Variants in NPM1 observed in about 807,000 individuals in gnomAD.
The protein encoded by NPM1 is nucleophosmin 1.
Under a neutral mutation model 44.1 loss-of-function variants are expected in NPM1, and 1 was observed. The observed-to-expected ratio is 0.02, with a 90% CI of 0.01 to 0.11. The LOEUF (loss-of-function observed/expected upper bound fraction) is 0.11. Among genes scored for constraint, NPM1 ranks in the 10% least tolerant of loss-of-function variants. NPM1 has a pLI of 1.00. For synonymous variants in NPM1, 126 were observed against 111.8 expected (o/e 1.13, Z -0.80); for missense variants, 197 against 347.8 (o/e 0.57, Z 3.45).
intron 9 of NPM1, among the ~76,000 whole-genome samples, chr5:171,405,904 TGTA>T (rs1771537084): frequency 2.0e-5 from 3 of 152,192 alleles, no homozygotes; most frequent in South Asian, 4.1e-4. Flanking sequence ...AGTTAATACA[TGTA>T]GTAATAGCTA....
At chr5:171,401,375 G>A (rs564515166) in intron 8 of NPM1, among the ~76,000 whole-genome samples, 18 of 152,012 alleles carry the variant, frequency 1.2e-4, no homozygotes, top group Admixed American at 1.0e-3. Flanking sequence ...AGCTTGTTGT[G>A]TGTTGTAGGT....
chr5:171,392,202 A>G (rs1770611314), intron 4 of NPM1, among the ~76,000 whole-genome samples: 1 of 152,168 alleles, frequency 6.6e-6, no homozygotes, highest in Non-Finnish European at 1.5e-5. Flanking sequence ...TGGCCTCTCA[A>G]AGTGCTAGTA....
At chr5:171,409,227 T>C (rs960823180) in intron 10 of NPM1, among the ~76,000 whole-genome samples, 2 of 152,214 alleles carry the variant, frequency 1.3e-5, no homozygotes, top group African/African-American at 4.8e-5. Context: ...ACAGAGATTA[T>C]CAAAACTAAA....
intron 6 of NPM1, among the ~76,000 whole-genome samples, chr5:171,396,668 A>T (rs1770903320): frequency 6.6e-6 from 1 of 152,172 alleles, no homozygotes; most frequent in Admixed American, 6.5e-5. Context: ...CTTGCCCTCC[A>T]GTGACTCGAT....
intron 8 of NPM1, among the ~76,000 whole-genome samples, chr5:171,401,921 G>GA (rs1433254073): frequency 6.6e-6 from 1 of 151,656 alleles, no homozygotes; most frequent in Non-Finnish European, 1.5e-5. Flanking sequence ...GAATTTAAAG[G>GA]AAAAAAAGTT....
chr5:171,402,952 C>CTTTTTTTT (rs560900151), intron 8 of NPM1, among the ~76,000 whole-genome samples: 14 of 91,854 alleles, frequency 1.5e-4, no homozygotes, highest in African/African-American at 4.0e-4. Flanking sequence ...TCAGGTAGTT[C>CTTTTTTTT]TTTTTTTTTT....
At chr5:171,400,739 C>T (rs567797174) in intron 7 of NPM1, 100 bp from the exon 8 acceptor site, 13 of 782,454 alleles carry the variant, frequency 1.7e-5, no homozygotes, top group Non-Finnish European at 2.6e-5. Flanking sequence ...AGCCACCACG[C>T]CAAGCCTGTG....
chr5:171,401,921 GAA>G (rs1433254073), intron 8 of NPM1, among the ~76,000 whole-genome samples: 1 of 151,656 alleles, frequency 6.6e-6, no homozygotes. Context: ...GAATTTAAAG[GAA>G]AAAAAGTTTA....
chr5:171,406,682 G>A (rs768964425), intron 9 of NPM1: 52 of 1,278,568 alleles, frequency 4.1e-5, no homozygotes, highest in Non-Finnish European at 3.8e-5. Flanking sequence ...GTTTTAAATC[G>A]CCTTTGTATC....
At chr5:171,388,127 C>G in intron 1 of NPM1, 121 bp downstream of exon 1, 2 of 912,502 alleles carry the variant, frequency 2.2e-6, no homozygotes, top group South Asian at 3.0e-5. Context: ...CGACGGGAGG[C>G]CTGAGCGGGT....
At chr5:171,398,900 C>A (rs1248018645) in intron 6 of NPM1, among the ~76,000 whole-genome samples, 1 of 152,206 alleles carries the variant, frequency 6.6e-6, no homozygotes, top group Non-Finnish European at 1.5e-5. Context: ...CTCACTGTCA[C>A]CCAGGCTGTA....
chr5:171,408,737 A>G (rs1771686602), intron 10 of NPM1, among the ~76,000 whole-genome samples: 1 of 152,224 alleles, frequency 6.6e-6, no homozygotes, highest in Admixed American at 6.5e-5. Context: ...TTGATTAATC[A>G]TAAATTATTT....
At chr5:171,407,668 A>T in intron 9 of NPM1, 32 bp from the exon 10 acceptor site, 1 of 1,255,120 alleles carries the variant, frequency 8.0e-7, no homozygotes, top group Admixed American at 1.7e-5. Flanking sequence ...GTATTTCTCT[A>T]CTTACCTGTA....
chr5:171,410,684 A>G lies in NPM1; in HGVS notation c.*119A>G. ...AGAACTTTCCCTACCGTGTTTGATA[A>G]ATGTTGTCCAGGTTCTATTGCCAAG... is the stretch of plus-strand genomic sequence containing the variant. On this transcript the variant is annotated 3_prime_UTR_variant, in exon 11 of 11. Coordinates refer to ENST00000296930, the MANE Select transcript of NPM1 (RefSeq NM_002520.7). 1 of 598,842 alleles carries G rather than the reference A, an allele frequency of 1.7e-6. No homozygotes were observed. Among genetic ancestry groups the G allele is most frequent in the Non-Finnish European group, 2.9e-6 (1 of 345,644 alleles). The allele number at this position is 598,842 out of a possible 1,614,324, so 37.1% of individuals were successfully genotyped here.
chr5:171,389,604 A>G (rs949918757), intron 1 of NPM1, among the ~76,000 whole-genome samples: 2 of 152,114 alleles, frequency 1.3e-5, no homozygotes, highest in Non-Finnish European at 2.9e-5. Flanking sequence ...CGGTTCTTTT[A>G]CTTTTGTCAT....
chr5:171,391,111 G>A (rs1770554635), intron 2 of NPM1, 194 bp from the exon 3 acceptor site: 1 of 585,604 alleles, frequency 1.7e-6, no homozygotes, highest in Non-Finnish European at 3.0e-6. Context: ...GCCTAGGTGT[G>A]TGTAGTAGGC....
chr5:171,403,401 T>G (rs1581254258), intron 8 of NPM1, among the ~76,000 whole-genome samples: 2 of 109,484 alleles, frequency 1.8e-5, no homozygotes, highest in South Asian at 6.5e-4. Flanking sequence ...CTCCCATGTC[T>G]ACTTCTTTCT....
intron 2 of NPM1, 60 bp from the exon 3 acceptor site, chr5:171,391,245 G>A (rs1251818057): frequency 7.0e-6 from 11 of 1,568,086 alleles, no homozygotes; most frequent in South Asian, 4.7e-5. Context: ...AACATTTAGT[G>A]GGGGGGTGTA....
At position 171,392,603 on chromosome 5, in the gene NPM1, T is replaced by TAA. The variant is rs1554135885; in HGVS notation, c.353-105_353-104dup. On this transcript the variant is annotated intron_variant, in intron 4 of 10. Transcript: ENST00000296930. ...CATGTGCTCTTTTTTTTTTTTTTTT[T>TAA]AAATAGAATAGAAGTCTCAGTTTTT... The TAA allele has an allele frequency of 2.3e-4, 125 of 549,884 alleles. 1 individual carries two copies. The highest frequency in any genetic ancestry group is 1.6e-3 in the Middle Eastern group (3 of 1,910). The allele number at this position is 549,884 out of a possible 1,614,324, so 34.1% of individuals were successfully genotyped here. A position where few individuals can be genotyped will look rare whatever the true frequency, so the allele number is the denominator to read the frequency against.
Sources: allele counts gnomAD v4.1 joint callset (sites outside exome capture counted in the v4.1 genomes callset), GRCh38; gene constraint gnomAD v4.1.1; transcripts MANE v1.5; gene names NCBI Gene and HGNC (gene_info 2026-07-23, HGNC 2026-07-21).